The following MPP7 variants were observed in gnomAD, a reference collection of about 807,000 sequenced individuals.
MPP7 encodes MAGUK p55 subfamily member 7.
Under a neutral mutation model 76.5 loss-of-function variants are expected in MPP7, and 60 were observed. That is an observed-to-expected ratio of 0.78 (90% CI 0.64 to 0.97). The LOEUF is 0.97. Among genes scored for constraint, MPP7 ranks in the 50% least tolerant of loss-of-function variants. The pLI, the probability that MPP7 is intolerant of heterozygous loss-of-function variation, is 0.00. For missense variants in MPP7, 641 were observed against 694.0 expected (o/e 0.92, Z 0.86); for synonymous variants, 237 against 244.5 (o/e 0.97, Z 0.29).
chr10:28,069,707 AT>A, intron 13 of MPP7, 64 bp downstream of exon 13: 1 of 1,323,776 alleles, frequency 7.6e-7, no homozygotes, highest in Admixed American at 2.5e-5. Flanking sequence ...TTTTAAAATA[AT>A]TTTTTAAAAA....
At chr10:28,146,601 A>G (rs1835716721) in intron 5 of MPP7, among the ~76,000 whole-genome samples, 2 of 151,978 alleles carry the variant, frequency 1.3e-5, no homozygotes, top group African/African-American at 4.8e-5. Context: ...CTCTTTTTAT[A>G]AAAATAAATT....
chr10:28,062,793 C>G (rs566739693), intron 13 of MPP7, among the ~76,000 whole-genome samples: 48 of 152,184 alleles, frequency 3.2e-4, no homozygotes, highest in African/African-American at 1.1e-3. Flanking sequence ...GAGCTGTTTT[C>G]CCCTGAGATC....
chr10:28,133,611 A>G (rs1376978702), intron 5 of MPP7, among the ~76,000 whole-genome samples: 2 of 152,246 alleles, frequency 1.3e-5, no homozygotes, highest in Non-Finnish European at 2.9e-5. Context: ...TGAATTGACT[A>G]TAACATATAT....
intron 2 of MPP7, among the ~76,000 whole-genome samples, chr10:28,213,163 C>T (rs182640205): frequency 2.2e-4 from 33 of 152,116 alleles, no homozygotes; most frequent in Middle Eastern, 3.4e-3. Flanking sequence ...TGGTCTCAAA[C>T]GCCTAAACTC....
chr10:28,127,962 G>A (rs570070290), intron 6 of MPP7, among the ~76,000 whole-genome samples: 3 of 152,346 alleles, frequency 2.0e-5, no homozygotes, highest in Non-Finnish European at 4.4e-5. Flanking sequence ...CAAGGGGAAG[G>A]CTGTGAATAA....
intron 2 of MPP7, among the ~76,000 whole-genome samples, chr10:28,209,862 C>T (rs751756948): frequency 1.3e-5 from 2 of 152,136 alleles, no homozygotes; most frequent in Non-Finnish European, 2.9e-5. Context: ...CGGATGTTTC[C>T]GAAAGAGATT....
intron 2 of MPP7, among the ~76,000 whole-genome samples, chr10:28,236,051 G>C (rs1260393752): frequency 6.6e-6 from 1 of 152,150 alleles, no homozygotes; most frequent in Non-Finnish European, 1.5e-5. Context: ...AAGATTTTAT[G>C]TTTTTCCCAA....
intron 11 of MPP7, among the ~76,000 whole-genome samples, chr10:28,097,483 T>C (rs1360391817): frequency 6.6e-6 from 1 of 152,138 alleles, no homozygotes; most frequent in East Asian, 1.9e-4. Context: ...TAACAATCCA[T>C]GTGTTTAAGT....
chr10:28,159,776 A>G (rs1357218296), intron 3 of MPP7, among the ~76,000 whole-genome samples: 1 of 152,154 alleles, frequency 6.6e-6, no homozygotes, highest in African/African-American at 2.4e-5. Flanking sequence ...ATGCCTTTAC[A>G]TTACAATCCT....
chr10:28,259,379 G>T (rs1839879912), intron 1 of MPP7, among the ~76,000 whole-genome samples: 1 of 152,032 alleles, frequency 6.6e-6, no homozygotes, highest in Non-Finnish European at 1.5e-5. Context: ...AAGAGTTCGA[G>T]ACCAGCCTGG....
intron 3 of MPP7, among the ~76,000 whole-genome samples, chr10:28,166,860 T>G (rs539459674): frequency 6.6e-6 from 1 of 152,320 alleles, no homozygotes; most frequent in Non-Finnish European, 1.5e-5. Context: ...CCCTTCAACA[T>G]TACGGTTTTG....
At position 28,265,082 on chromosome 10, in the gene MPP7, T is replaced by C. The variant is rs184350442; in HGVS notation, c.-131-26347A>G. On this transcript the variant is annotated intron_variant, in intron 1 of 16. Transcript: ENST00000683449. ...GATGCACCTCCCATTGAGGAAGTTA[T>C]GTATAAAAAGAGACAAGAGATAGGT... Among the ~76,000 whole-genome samples, 11 of 152,290 alleles carry C rather than the reference T, an allele frequency of 7.2e-5. No homozygotes were observed. The East Asian group carries it at 1.5e-3, about 21-fold the overall frequency.
chr10:28,269,845 T>C (rs898505756), intron 1 of MPP7, among the ~76,000 whole-genome samples: 23 of 152,178 alleles, frequency 1.5e-4, no homozygotes, highest in African/African-American at 5.1e-4. Flanking sequence ...TCAAAGTACA[T>C]AAGATTAGAT....
At chr10:28,313,112 C>T (rs1161199025) in intron 2 of MPP7, among the ~76,000 whole-genome samples, 7 of 152,148 alleles carry the variant, frequency 4.6e-5, no homozygotes, top group Non-Finnish European at 1.0e-4. Context: ...CTGTCTAGCA[C>T]CTTTATCCAA....
intron 11 of MPP7, among the ~76,000 whole-genome samples, chr10:28,107,544 T>C (rs1244222303): frequency 6.6e-6 from 1 of 152,144 alleles, no homozygotes; most frequent in Non-Finnish European, 1.5e-5. Context: ...AACCCTGGCT[T>C]GGCCATGAGA....
intron 1 of MPP7, among the ~76,000 whole-genome samples, chr10:28,274,138 T>C (rs1840416905): frequency 6.8e-6 from 1 of 146,522 alleles, no homozygotes; most frequent in Non-Finnish European, 1.5e-5. Context: ...AGTCTCACTC[T>C]GTCACCCAGG....
intron 2 of MPP7, among the ~76,000 whole-genome samples, chr10:28,321,964 TGTG>T (rs1159033631): frequency 6.6e-6 from 1 of 151,290 alleles, no homozygotes; most frequent in Non-Finnish European, 1.5e-5. Context: ...TGTGTGTGTG[TGTG>T]TGTGTGTGTG....
chr10:28,284,871 GACAAGA>G (rs778458533), intron 1 of MPP7, among the ~76,000 whole-genome samples: 23 of 152,126 alleles, frequency 1.5e-4, no homozygotes, highest in Non-Finnish European at 2.6e-4. Context: ...TCATTCTAAA[GACAAGA>G]ACAAGTGTTT....
intron 12 of MPP7, among the ~76,000 whole-genome samples, chr10:28,071,671 G>T (rs897321145): frequency 6.6e-6 from 1 of 152,022 alleles, no homozygotes; most frequent in African/African-American, 2.4e-5. Context: ...TTATAATAAA[G>T]CAATATGTAT....
Sources: gnomAD v4.1 joint callset for allele counts (sites outside exome capture counted in the v4.1 genomes callset) on GRCh38, gnomAD v4.1.1 for gene constraint, MANE v1.5 for transcripts, NCBI Gene and HGNC (gene_info 2026-07-23, HGNC 2026-07-21) for gene names.